Variants in PPP6R2 observed in about 807,000 individuals in gnomAD.
PPP6R2 encodes the protein serine/threonine-protein phosphatase 6 regulatory subunit 2.
In PPP6R2, 62 loss-of-function variants were observed where a neutral mutation model predicts 100.2. That is an observed-to-expected ratio of 0.62 (90% CI 0.50 to 0.76). The LOEUF is 0.76. PPP6R2 is among the 30% of genes least tolerant of loss of function. The pLI, the probability that PPP6R2 is intolerant of heterozygous loss-of-function variation, is 0.00. For missense variants in PPP6R2, 1,142 were observed against 1,276.3 expected, an observed-to-expected ratio of 0.89 and a Z score of 1.60; for synonymous variants, 525 against 514.7, an observed-to-expected ratio of 1.02 and a Z score of -0.27.
chr22:50,426,991 A>C (rs1485212287), intron 10 of PPP6R2, among the ~76,000 whole-genome samples: 1 of 151,920 alleles, frequency 6.6e-6, no homozygotes, highest in African/African-American at 2.4e-5. Flanking sequence ...GATTGAGACC[A>C]TCCTGGCCAA....
chr22:50,436,914 C>T, intron 14 of PPP6R2, 74 bp from the exon 15 acceptor site: 1 of 1,267,176 alleles, frequency 7.9e-7, no homozygotes, highest in Middle Eastern at 1.9e-4. Flanking sequence ...GGGCATGGTC[C>T]TGGGCGCTGG....
Position 50,431,803 on chromosome 22 carries a change from G to A in PPP6R2, c.1335+421G>A. 6.6e-6 allele frequency among the ~76,000 whole-genome samples: 1 copy of A among 152,196 alleles called. No individual in the cohort carries two copies. The highest frequency in any genetic ancestry group is 1.5e-5 in the Non-Finnish European group (1 of 68,040). On this transcript the variant is annotated intron_variant, in intron 11 of 23. Coordinates refer to ENST00000612753, the MANE Select transcript of PPP6R2 (RefSeq NM_001242898.2). The surrounding 1 kb of genome is among the most constrained non-coding windows in gnomAD (Gnocchi z 4.8). ...AGCAAGGCCACAGGTATATCGTAGTGTGAGGTGGAGCCCAGGAAAAACATC... is the reference window on the plus strand; with the variant it reads ...AGCAAGGCCACAGGTATATCGTAGTATGAGGTGGAGCCCAGGAAAAACATC...
chr22:50,358,240 A>C (rs1203108760), intron 1 of PPP6R2, among the ~76,000 whole-genome samples: 3 of 152,162 alleles, frequency 2.0e-5, no homozygotes, highest in African/African-American at 7.2e-5. Context: ...ACAGGTGTGA[A>C]CCAGTGTACC....
intron 10 of PPP6R2, among the ~76,000 whole-genome samples, chr22:50,429,504 G>A (rs1439918466): frequency 3.3e-5 from 5 of 152,188 alleles, no homozygotes; most frequent in Admixed American, 2.6e-4. Flanking sequence ...ATGATGCTAA[G>A]TTTGGTTTGC....
intron 2 of PPP6R2, among the ~76,000 whole-genome samples, chr22:50,373,245 T>C (rs947443733): frequency 1.1e-3 from 158 of 148,204 alleles, no homozygotes; most frequent in African/African-American, 3.5e-3. Flanking sequence ...TCTTTCTTTT[T>C]TTTTTTTTTT....
At chr22:50,391,169 C>G (rs190390414) in intron 2 of PPP6R2, among the ~76,000 whole-genome samples, 32 of 151,808 alleles carry the variant, frequency 2.1e-4, no homozygotes, top group Non-Finnish European at 8.8e-5. Flanking sequence ...CGCGGTGGCT[C>G]ACACCTGTAA....
chr22:50,373,713 A>T (rs887370190), intron 2 of PPP6R2, among the ~76,000 whole-genome samples: 1 of 151,538 alleles, frequency 6.6e-6, no homozygotes, highest in Non-Finnish European at 1.5e-5. Context: ...CACTACGGCT[A>T]ATTTATTTAT....
At chr22:50,406,584 T>G in intron 3 of PPP6R2, 105 bp from the exon 4 acceptor site, 7 of 1,047,674 alleles carry the variant, frequency 6.7e-6, no homozygotes, top group Non-Finnish European at 8.4e-6. Flanking sequence ...GTAGTGTTTG[T>G]TTGATCACGT....
chr22:50,378,216 T>A (rs943305788), intron 2 of PPP6R2, among the ~76,000 whole-genome samples: 2 of 152,176 alleles, frequency 1.3e-5, no homozygotes, highest in African/African-American at 4.8e-5. Context: ...GCCAGTGGAG[T>A]AATATTTTCA....
intron 21 of PPP6R2, among the ~76,000 whole-genome samples, chr22:50,440,599 G>A (rs2065353242): frequency 6.6e-6 from 1 of 152,338 alleles, no homozygotes; most frequent in East Asian, 1.9e-4. Flanking sequence ...ACCAGGGCAT[G>A]TGTCCCTGTA....
chr22:50,427,906 G>C (rs895849203), intron 10 of PPP6R2, among the ~76,000 whole-genome samples: 1 of 152,210 alleles, frequency 6.6e-6, no homozygotes, highest in African/African-American at 2.4e-5. Flanking sequence ...ATTTTTAGTA[G>C]AGACAGGGTT....
In PPP6R2 at chr22:50,444,409, GC is replaced by G; in HGVS notation, c.*163del. ...TGAAACCAGTTGGACGGCCCAGCTT[GC>G]GTCTCTTCTGCCTGAGTGGGCCTCT... On this transcript the variant is annotated 3_prime_UTR_variant, in exon 24 of 24. Transcript: ENST00000612753. 1 of 966,594 alleles carries G rather than the reference GC, an allele frequency of 1.0e-6. No individual in the cohort carries two copies. Among genetic ancestry groups the G allele is most frequent in the East Asian group, 2.7e-5 (1 of 37,334 alleles). The allele number at this position is 966,594 out of a possible 1,614,324, so 59.9% of individuals were successfully genotyped here.
intron 1 of PPP6R2, among the ~76,000 whole-genome samples, chr22:50,354,868 CT>C (rs762678639): frequency 0.066 from 8,354 of 126,244 alleles, 224 homozygotes; most frequent in East Asian, 0.13. Flanking sequence ...CTGGATCAGC[CT>C]TTTTTTTTTT....
intron 1 of PPP6R2, among the ~76,000 whole-genome samples, chr22:50,357,416 TTTC>T (rs1052910387): frequency 3.3e-5 from 5 of 151,624 alleles, no homozygotes; most frequent in Non-Finnish European, 7.4e-5. Context: ...ATCCCTCTTC[TTTC>T]TTTTCTTTTC....
chr22:50,337,343 G>A, the PPP6R2 span, among the ~76,000 whole-genome samples: 1 of 140,046 alleles, frequency 7.1e-6, no homozygotes, highest in Non-Finnish European at 1.6e-5. Context: ...GTGTGTCTGC[G>A]ATGTGTGGTG....
rs139033038 is a variant in PPP6R2 at position 50,402,900 on chromosome 22, G to A, written c.228-3789G>A. On this transcript the variant is annotated intron_variant, in intron 3 of 23. Transcript: ENST00000612753. The stretch of plus-strand genomic sequence containing the variant: ...CTTGGTTTGTGCCATGTGTGCACAC[G>A]TTTGTCCGTGTGTAGACAAGATGAG... 4.4e-3 allele frequency among the ~76,000 whole-genome samples: 674 copies of A among 152,338 alleles called. 8 individuals are homozygous for A. Among genetic ancestry groups the A allele is most frequent in the African/African-American group, 0.015 (621 of 41,566 alleles).
chr22:50,373,101 A>T (rs976941654), intron 2 of PPP6R2, among the ~76,000 whole-genome samples: 6 of 152,182 alleles, frequency 3.9e-5, no homozygotes, highest in Admixed American at 3.9e-4. Context: ...CACAGTTGCC[A>T]TTCAAACCAC....
At chr22:50,415,584 C>T (rs2060420836) in intron 5 of PPP6R2, among the ~76,000 whole-genome samples, 2 of 152,386 alleles carry the variant, frequency 1.3e-5, no homozygotes, top group South Asian at 4.1e-4. Flanking sequence ...GCACAGGGCG[C>T]AGCAGTGCGG....
chr22:50,348,752 G>A (rs1294353161), intron 1 of PPP6R2, among the ~76,000 whole-genome samples: 1 of 152,130 alleles, frequency 6.6e-6, no homozygotes, highest in Middle Eastern at 3.2e-3. Context: ...AAGGTATAAA[G>A]CCTTGGGGAT....
Sources: gnomAD v4.1 joint callset for allele counts (sites outside exome capture counted in the v4.1 genomes callset) on GRCh38, gnomAD v4.1.1 for gene constraint, Gnocchi (gnomAD v3.1) non-coding constraint, MANE v1.5 for transcripts, NCBI Gene and HGNC (gene_info 2026-07-23, HGNC 2026-07-21) for gene names.